The following NKX3-2 variants were observed in gnomAD, a reference collection of about 807,000 sequenced individuals.
NKX3-2 encodes homeobox protein Nkx-3.2.
A neutral mutation model predicts 19.4 loss-of-function variants in NKX3-2; 13 were observed. That is an observed-to-expected ratio of 0.67 (90% confidence interval 0.44 to 1.07). The LOEUF is 1.07. Ranked by LOEUF, NKX3-2 falls within the 50% of genes least tolerant of loss-of-function variation. The pLI is 0.00. For missense variants in NKX3-2, 562 were observed against 488.2 expected (o/e 1.15, Z -1.42); for synonymous variants, 269 against 230.5 (o/e 1.17, Z -1.51).
rs1718078136 is a variant in NKX3-2, at chr4:13,544,482, G to A, written c.-68C>T. On this transcript the variant is annotated 5_prime_UTR_variant, in exon 1 of 2. Transcript: ENST00000382438. ...GCGCCGAGCAGCTCCGAGCGGGACAGAGAGCGCCGGCGGCCGCAGCGCGAG... is the reference window on the plus strand; with the variant it reads ...GCGCCGAGCAGCTCCGAGCGGGACAAAGAGCGCCGGCGGCCGCAGCGCGAG... The A allele has an allele frequency of 8.4e-7, 1 of 1,185,892 alleles. No homozygotes were observed. Among genetic ancestry groups the A allele is most frequent in the Non-Finnish European group, 1.1e-6 (1 of 932,508 alleles). 73.5% of individuals were successfully genotyped at this position (1,185,892 alleles called of 1,614,324 possible).
Position 13,542,297 on chromosome 4 carries a change from C to T in NKX3-2, c.698G>A (p.Gly233Glu). The change falls in exon 2 of 2, where the codon GGG (glycine) becomes GAG (glutamate). Residue 233 changes from glycine to glutamate, a missense_variant. Transcript: ENST00000382438. The surrounding 1 kb of genome is among the most constrained non-coding windows in gnomAD (Gnocchi z 6.4). ...CGCGGCCAGGTCTGCGCGCTCGGGC[C>T]CGGACAGGTAGCGCTGGTGGTTAAA... The part of the protein sequence containing the change: ...RRFNHQRYLS[G>E]PERADLAASL... The T allele has an allele frequency of 6.2e-7, 1 of 1,607,244 alleles. No individual in the cohort carries two copies. The highest frequency in any genetic ancestry group is 8.5e-7 in the Non-Finnish European group (1 of 1,177,928).
upstream of NKX3-2, chr4:13,545,143 T>A (rs1718101172): frequency 6.6e-6 from 1 of 152,394 alleles, no homozygotes; most frequent in African/African-American, 2.4e-5. Context: ...ATTGGCTGGC[T>A]CCAGTTGGGC....
In NKX3-2 at chr4:13,542,370, A is replaced by G. The variant is rs950574566; in HGVS notation, c.625T>C (p.Ser209Pro). Residue 209 changes from serine to proline, a missense_variant, in exon 2 of 2, where the codon TCG becomes CCG. Transcript: ENST00000382438. This position sits in a 1 kb window ranked among gnomAD's most constrained non-coding sequence, Gnocchi z 6.4. ...TGCGCGTGGGAGAAAGCGGCCCGCG[A>G]GCGCTTCTTGCGTGGCTTGGGCGCC... The part of the protein sequence containing the change: ...PAAPKPRKKR[S>P]RAAFSHAQVF... 11 of 1,522,062 alleles carry G rather than the reference A, an allele frequency of 7.2e-6. No homozygotes were observed. The African/African-American group carries it at 8.4e-5, about 12-fold the overall frequency. 94.3% of individuals were successfully genotyped at this position (1,522,062 alleles called of 1,614,324 possible). A position where few individuals can be genotyped will look rare whatever the true frequency, so the allele number is the denominator to read the frequency against.
rs773583234 is a variant in NKX3-2 at position 13,542,452 on chromosome 4, G to C, written c.543C>G (p.Ala181=). Residue 181 remains alanine (A), a synonymous_variant, in exon 2 of 2, where the codon GCC becomes GCG. Coordinates refer to ENST00000382438, the MANE Select transcript of NKX3-2 (RefSeq NM_001189.4). This position sits in a 1 kb window ranked among gnomAD's most constrained non-coding sequence, Gnocchi z 6.4. ...CCGGCCCGCTGCCGCCCCCGCCGCC[G>C]GCCCCGCTGCACAGCGCGGACACGT... ...GAHVSALCSG[A]GGGGGSGPAG... is the part of the protein sequence containing the mutation. The C allele has an allele frequency of 1.8e-5, 29 of 1,578,390 alleles. No individual in the cohort carries two copies. The highest frequency in any genetic ancestry group is 2.4e-5 in the Non-Finnish European group (28 of 1,170,430).
Position 13,542,110 on chromosome 4 carries a change from G to T in NKX3-2, c.885C>A (p.Pro295=). 6.2e-7 allele frequency: 1 copy of T among 1,607,710 alleles called. No individual in the cohort carries two copies. Among genetic ancestry groups the T allele is most frequent in the South Asian group, 1.1e-5 (1 of 90,710 alleles). The part of the protein sequence containing the change: ...LVRDDQRQYL[P]GEVLRPPSLL... ...GCGAGGGTGGCCGCAGCACTTCGCC[G>T]GGCAGGTATTGTCTCTGGTCGTCGC... Residue 295 remains proline, a synonymous_variant, in exon 2 of 2, where the codon CCC becomes CCA. Coordinates refer to ENST00000382438, the MANE Select transcript of NKX3-2 (RefSeq NM_001189.4). This position sits in a 1 kb window ranked among gnomAD's most constrained non-coding sequence, Gnocchi z 6.4.
In NKX3-2 at chr4:13,541,880, C is replaced by T; in HGVS notation, c.*113G>A. ...GCTAACGGGAGCTGGAGCTGGGTTT[C>T]ACCTCCAGGTGCCTCCTTGGCGGGG... On this transcript the variant is annotated 3_prime_UTR_variant, in exon 2 of 2. Coordinates refer to ENST00000382438, the MANE Select transcript of NKX3-2 (RefSeq NM_001189.4). 1 of 1,471,724 alleles carries T rather than the reference C, an allele frequency of 6.8e-7. No homozygotes were observed. Among genetic ancestry groups the T allele is most frequent in the Non-Finnish European group, 9.2e-7 (1 of 1,090,808 alleles). 91.2% of individuals were successfully genotyped at this position (1,471,724 alleles called of 1,614,324 possible).
Position 13,541,816 on chromosome 4 carries a change from C to T in NKX3-2, c.*177G>A. 1.0e-6 allele frequency: 1 copy of T among 989,768 alleles called. No homozygotes were observed. The highest frequency in any genetic ancestry group is 1.4e-6 in the Non-Finnish European group (1 of 689,826). The allele number at this position is 989,768 out of a possible 1,614,324, so 61.3% of individuals were successfully genotyped here. On this transcript the variant is annotated 3_prime_UTR_variant, in exon 2 of 2. Transcript: ENST00000382438. Reference sequence around the variant, plus strand: ...TTCAAATTAGAAAAAGGCGCCCCCTCAGGGCAGACTCAGCCCAGCTGCCAG... The same window carrying T: ...TTCAAATTAGAAAAAGGCGCCCCCTTAGGGCAGACTCAGCCCAGCTGCCAG...
At position 13,543,671 on chromosome 4, in the gene NKX3-2, A is replaced by AG. The variant is rs1355904895; in HGVS notation, c.466+277dup. 6.6e-6 allele frequency among the ~76,000 whole-genome samples: 1 copy of AG among 152,194 alleles called. No homozygotes were observed. The highest frequency in any genetic ancestry group is 1.5e-5 in the Non-Finnish European group (1 of 68,036). On this transcript the variant is annotated intron_variant, in intron 1 of 1. Coordinates refer to ENST00000382438, the MANE Select transcript of NKX3-2 (RefSeq NM_001189.4). This position sits in a 1 kb window ranked among gnomAD's most constrained non-coding sequence, Gnocchi z 7.1. ...ACGAACTCAAAAACTCCCGAACGCA[A>AG]GGGGCAGCGGTTCTCCCAACCCAGT...
At position 13,541,947 on chromosome 4, in the gene NKX3-2, C is replaced by G; in HGVS notation, c.*46G>C. 1.3e-6 allele frequency: 2 copies of G among 1,551,240 alleles called. No individual in the cohort carries two copies. The highest frequency in any genetic ancestry group is 1.7e-6 in the Non-Finnish European group (2 of 1,148,058). ...CAGCCTACAGCTGTCAGCGCCGGTC[C>G]GGAGCCGGAGCGCGGGAATCACTCG... On this transcript the variant is annotated 3_prime_UTR_variant, in exon 2 of 2. Transcript: ENST00000382438.
At position 13,544,102 on chromosome 4, in the gene NKX3-2, G is replaced by A. The variant is rs780614525; in HGVS notation, c.313C>T (p.Arg105Trp). The A allele has an allele frequency of 6.3e-7, 1 of 1,594,046 alleles. No individual in the cohort carries two copies. Among genetic ancestry groups the A allele is most frequent in the South Asian group, 1.1e-5 (1 of 88,254 alleles). Residue 105 changes from arginine (R) to tryptophan (W), a missense_variant, in exon 1 of 2, where the codon CGG becomes TGG. By Grantham distance (101) the Arg-to-Trp change is moderately radical (BLOSUM62 -3). Transcript: ENST00000382438. ...GCCCCCCGCGCGTCCGCGCAGCGCC[G>A]CCTGCTCTCGTTCTCCTCGCTGAGC... ...SALSEENESR[R>W]RCADARGASG... is the part of the protein sequence containing the mutation.
In NKX3-2 at chr4:13,542,186, A is replaced by G; in HGVS notation, c.809T>C (p.Leu270Pro). 1 of 1,609,110 alleles carries G rather than the reference A, an allele frequency of 6.2e-7. No individual in the cohort carries two copies. Among genetic ancestry groups the G allele is most frequent in the Non-Finnish European group, 8.5e-7 (1 of 1,178,116 alleles). ...CTTGGCGGCGGGCGCCGAGGCCAGCAGGTCGGCTGCCATCTGCCGGCGCTT... is the reference window on the plus strand; with the variant it reads ...CTTGGCGGCGGGCGCCGAGGCCAGCGGGTCGGCTGCCATCTGCCGGCGCTT... The part of the protein sequence containing the change: ...KTKRRQMAAD[L>P]LASAPAAKKV... The change falls in exon 2 of 2, where the codon CTG (leucine) becomes CCG (proline). Residue 270 changes from leucine (L) to proline (P), a missense_variant. By Grantham distance (98) the Leu-to-Pro change is moderately conservative. Coordinates refer to ENST00000382438, the MANE Select transcript of NKX3-2 (RefSeq NM_001189.4). The surrounding 1 kb of genome is among the most constrained non-coding windows in gnomAD (Gnocchi z 6.4).
chr4:13,546,948 G>A (rs564860391), upstream of NKX3-2: 97 of 456,190 alleles, frequency 2.1e-4, no homozygotes, highest in Non-Finnish European at 4.0e-4. Context: ...AAGGGGCTAC[G>A]TTCCGCGTCT....
rs1307157462 is a variant in NKX3-2, at chr4:13,543,588, C to T, written c.466+361G>A. 6.6e-6 allele frequency among the ~76,000 whole-genome samples: 1 copy of T among 152,198 alleles called. No homozygotes were observed. On this transcript the variant is annotated intron_variant, in intron 1 of 1. Transcript: ENST00000382438. The surrounding 1 kb of genome is among the most constrained non-coding windows in gnomAD (Gnocchi z 7.1). The stretch of plus-strand genomic sequence containing the variant: ...CTACCTGAGGTCTCTGAACCCCTCA[C>T]TTTTCCGCTTCCCTGATTTTGGGGA...
upstream of NKX3-2, chr4:13,544,534 G>T: frequency 1.9e-6 from 1 of 529,378 alleles, no homozygotes; most frequent in South Asian, 8.5e-5. Context: ...GGCCGCCGCC[G>T]CCCACTGCTG....
In NKX3-2 at chr4:13,542,400, G is replaced by A; in HGVS notation, c.595C>T (p.Pro199Ser). The change falls in exon 2 of 2, where the codon CCG becomes TCG. Residue 199 changes from proline to serine, a missense_variant. Coordinates refer to ENST00000382438, the MANE Select transcript of NKX3-2 (RefSeq NM_001189.4). This position sits in a 1 kb window ranked among gnomAD's most constrained non-coding sequence, Gnocchi z 6.4. Reference protein sequence around the residue: ...PAGVAEEEEEPAAPKPRKKRS... With the variant: ...PAGVAEEEEESAAPKPRKKRS... ...TTCTTGCGTGGCTTGGGCGCCGCCG[G>A]CTCCTCCTCCTCCTCCGCGACGCCT... 3 of 1,511,460 alleles carry A rather than the reference G, an allele frequency of 2.0e-6. No individual in the cohort carries two copies. Among genetic ancestry groups the A allele is most frequent in the Non-Finnish European group, 2.6e-6 (3 of 1,137,200 alleles). The allele number at this position is 1,511,460 out of a possible 1,614,324, so 93.6% of individuals were successfully genotyped here.
upstream of NKX3-2, chr4:13,546,861 G>A (rs1267234660): frequency 2.2e-6 from 1 of 453,142 alleles, no homozygotes; most frequent in Admixed American, 2.4e-5. Flanking sequence ...GCCTTGGGCA[G>A]AAGTCTTCAA....
upstream of NKX3-2, chr4:13,544,918 G>A (rs1718092152): frequency 6.6e-6 from 1 of 152,240 alleles, no homozygotes; most frequent in Non-Finnish European, 1.5e-5. Context: ...CACCCCCGGC[G>A]GCGGCGGCGG....
rs1245925975 is a variant in NKX3-2, at chr4:13,543,296, C to T, written c.466+653G>A. Reference sequence around the variant, plus strand: ...GGGCAGGCACCCGGGTCTTCCAGACCACAGGACAGGACAGGCCACGGCTGA... The same window carrying T: ...GGGCAGGCACCCGGGTCTTCCAGACTACAGGACAGGACAGGCCACGGCTGA... On this transcript the variant is annotated intron_variant, in intron 1 of 1. Coordinates refer to ENST00000382438, the MANE Select transcript of NKX3-2 (RefSeq NM_001189.4). The surrounding 1 kb of genome is among the most constrained non-coding windows in gnomAD (Gnocchi z 7.1). Among the ~76,000 whole-genome samples, 1 of 152,160 alleles carries T rather than the reference C, an allele frequency of 6.6e-6. No homozygotes were observed. Among genetic ancestry groups the T allele is most frequent in the Non-Finnish European group, 1.5e-5 (1 of 68,030 alleles).
chr4:13,546,908 C>T (rs1384961229), upstream of NKX3-2: 1 of 456,210 alleles, frequency 2.2e-6, no homozygotes, highest in Non-Finnish European at 4.4e-6. Context: ...TTTGAGTTGT[C>T]GGGTATTTTT....
Sources: allele counts gnomAD v4.1 joint callset (sites outside exome capture counted in the v4.1 genomes callset), GRCh38; gene constraint gnomAD v4.1.1; non-coding constraint Gnocchi (gnomAD v3.1); transcripts MANE v1.5; gene names NCBI Gene and HGNC (gene_info 2026-07-23, HGNC 2026-07-21).